SLC17A5: variants seen among roughly 807,000 people sequenced by gnomAD.
SLC17A5 encodes sialin.
In SLC17A5, 47 loss-of-function variants were observed where a neutral mutation model predicts 59.4. That is an observed-to-expected ratio of 0.79 (90% CI 0.63 to 1.01). SLC17A5 has a LOEUF of 1.01. Among genes scored for constraint, SLC17A5 ranks in the 50% least tolerant of loss-of-function variants. The pLI, the probability that SLC17A5 is intolerant of heterozygous loss-of-function variation, is 0.00. For missense variants in SLC17A5, 522 were observed against 595.5 expected, an observed-to-expected ratio of 0.88 and a Z score of 1.28; for synonymous variants, 202 against 210.7, an observed-to-expected ratio of 0.96 and a Z score of 0.36.
intron 9 of SLC17A5, among the ~76,000 whole-genome samples, chr6:73,600,912 G>A (rs1005592467): frequency 6.6e-6 from 1 of 152,174 alleles, no homozygotes; most frequent in Non-Finnish European, 1.5e-5. Flanking sequence ...TGAAAAACTT[G>A]CATTTCAATA....
In SLC17A5 at chr6:73,635,389, CT is replaced by C. The variant is rs1229686164; in HGVS notation, c.811del (p.Arg271GlufsTer16). On this transcript the variant is annotated frameshift_variant, in exon 6 of 11. Coordinates refer to ENST00000355773, the MANE Select transcript of SLC17A5 (RefSeq NM_012434.5). LOFTEE classifies it high-confidence loss of function. The stretch of plus-strand genomic sequence containing the variant: ...ATGTGTCAAAGTCCATACCTGATTT[CT>C]TAATGATGAAAGAATGTATTCCTTT... ...YEKEYILSSL[R>X]NQLSSQKSVP... is the part of the protein sequence containing the mutation. 6.5e-7 allele frequency: 1 copy of C among 1,543,866 alleles called. No homozygotes were observed.
chr6:73,618,478 G>T, intron 7 of SLC17A5: 1 of 477,278 alleles, frequency 2.1e-6, no homozygotes, highest in Admixed American at 2.6e-5. Context: ...AATCATCACG[G>T]TCTTTACTCA....
intron 6 of SLC17A5, among the ~76,000 whole-genome samples, chr6:73,629,051 CT>C (rs1241462269): frequency 6.6e-6 from 1 of 152,186 alleles, no homozygotes; most frequent in Non-Finnish European, 1.5e-5. Context: ...AAATTGTATA[CT>C]CTTCCTAAAA....
chr6:73,601,626 G>A (rs1486925320), intron 9 of SLC17A5, among the ~76,000 whole-genome samples: 9 of 91,706 alleles, frequency 9.8e-5, no homozygotes, highest in East Asian at 8.4e-4. Flanking sequence ...CGCCCCGTCC[G>A]GGAGGGAGGT....
At chr6:73,623,523 G>A (rs540925415) in intron 6 of SLC17A5, among the ~76,000 whole-genome samples, 12 of 150,282 alleles carry the variant, frequency 8.0e-5, no homozygotes, top group Non-Finnish European at 1.8e-4. Context: ...TAGTAAAGGC[G>A]GGGTTTCATC....
chr6:73,610,838 T>TAA (rs561058449), intron 8 of SLC17A5, among the ~76,000 whole-genome samples: 210 of 152,314 alleles, frequency 1.4e-3, no homozygotes, highest in African/African-American at 4.8e-3. Context: ...AAGAACAACT[T>TAA]AAAAATATGT....
At chr6:73,601,065 T>G (rs1767046463) in intron 9 of SLC17A5, among the ~76,000 whole-genome samples, 1 of 147,262 alleles carries the variant, frequency 6.8e-6, no homozygotes, top group African/African-American at 2.6e-5. Flanking sequence ...GAGGAGCGTC[T>G]CTGCCCGGCC....
chr6:73,631,114 A>G (rs936141257), intron 6 of SLC17A5, among the ~76,000 whole-genome samples: 4 of 151,500 alleles, frequency 2.6e-5, no homozygotes, highest in African/African-American at 9.8e-5. Flanking sequence ...TCCTGGTTCT[A>G]ACATCTAGGC....
In SLC17A5 at chr6:73,653,851, A is replaced by G. The variant is rs776780567; in HGVS notation, c.36T>C (p.Asp12=). 8 of 1,606,910 alleles carry G rather than the reference A, an allele frequency of 5.0e-6. No individual in the cohort carries two copies. The Admixed American group carries it at 1.2e-4, about 24-fold the overall frequency. ...GCGTGCGGTCCGTGCTCTCCTCGCC[A>G]TCGTTCCGGGCCAGGTCTCGAACCG... ...RSPVRDLARN[D]GEESTDRTPL... is the part of the protein sequence containing the mutation. The change falls in exon 1 of 11, where the codon GAT becomes GAC. Residue 12 remains aspartate (D), a synonymous_variant. Coordinates refer to ENST00000355773, the MANE Select transcript of SLC17A5 (RefSeq NM_012434.5).
chr6:73,640,867 C>A (rs1184132545), intron 3 of SLC17A5, among the ~76,000 whole-genome samples: 1 of 151,806 alleles, frequency 6.6e-6, no homozygotes, highest in African/African-American at 2.4e-5. Flanking sequence ...CTAAAAAGAG[C>A]AGAATCATAG....
chr6:73,652,619 T>C (rs1188485338), intron 1 of SLC17A5, among the ~76,000 whole-genome samples: 1 of 152,228 alleles, frequency 6.6e-6, no homozygotes, highest in Non-Finnish European at 1.5e-5. Context: ...ATGAGGAATA[T>C]TATACAATTT....
At chr6:73,646,401 T>C (rs9360693) in intron 1 of SLC17A5, among the ~76,000 whole-genome samples, 1 of 152,230 alleles carries the variant, frequency 6.6e-6, no homozygotes, top group Non-Finnish European at 1.5e-5. Context: ...TATTTTTTTT[T>C]CCCTGTGTAA....
chr6:73,621,829 T>C lies in SLC17A5; in HGVS notation c.953A>G (p.Glu318Gly). The change falls in exon 7 of 11, where the codon GAG becomes GGG. Residue 318 changes from glutamate (E) to glycine (G), a missense_variant. Glu to Gly is a moderately conservative substitution (Grantham distance 98). This residue lies in a region of SLC17A5 where 31 missense variants were observed against 63.2 expected (regional missense o/e 0.49). Transcript: ENST00000355773. ...LLTLLPTYMKEILRFNVQENG... is the reference protein window; with the variant it reads ...LLTLLPTYMKGILRFNVQENG... ...CTCTTGAACATTGAACCTTAGGATC[T>C]CCTTCATATAAGTAGGCAATAATGT... The C allele has an allele frequency of 6.2e-7, 1 of 1,611,800 alleles. No individual in the cohort carries two copies. Among genetic ancestry groups the C allele is most frequent in the Non-Finnish European group, 8.5e-7 (1 of 1,177,906 alleles).
chr6:73,623,164 G>A (rs940526698), intron 6 of SLC17A5, among the ~76,000 whole-genome samples: 4 of 150,354 alleles, frequency 2.7e-5, no homozygotes, highest in Admixed American at 1.3e-4. Context: ...TCAGCCTCAC[G>A]AGTAGCTGGG....
intron 2 of SLC17A5, among the ~76,000 whole-genome samples, chr6:73,643,474 TTTTA>T (rs1769385111): frequency 7.0e-6 from 1 of 142,050 alleles, no homozygotes; most frequent in African/African-American, 2.6e-5. Context: ...ATTTATTATT[TTTTA>T]TTTATTTATT....
intron 6 of SLC17A5, 101 bp downstream of exon 6, chr6:73,635,281 A>C: frequency 2.8e-6 from 2 of 711,524 alleles, no homozygotes; most frequent in East Asian, 5.2e-5. Flanking sequence ...TACTTTGTCT[A>C]GAGCATGCAC....
chr6:73,635,568 A>G, intron 5 of SLC17A5, 68 bp from the exon 6 acceptor site: 2 of 794,646 alleles, frequency 2.5e-6, no homozygotes, highest in Non-Finnish European at 4.0e-6. Context: ...ACAAAACAAA[A>G]ACACAAAATT....
intron 1 of SLC17A5, among the ~76,000 whole-genome samples, chr6:73,651,486 C>CAAAAAAAAAA (rs1769867353): frequency 2.3e-5 from 3 of 130,538 alleles, no homozygotes; most frequent in Admixed American, 8.4e-5. Flanking sequence ...AAAAAAAAAT[C>CAAAAAAAAAA]AGGACATAAT....
At chr6:73,647,014 A>G (rs1769610183) in intron 1 of SLC17A5, among the ~76,000 whole-genome samples, 3 of 152,062 alleles carry the variant, frequency 2.0e-5, no homozygotes, top group Admixed American at 2.0e-4. Flanking sequence ...GTCAGGTGAT[A>G]TTACCTAGAA....
Sources: gnomAD v4.1 joint callset for allele counts (sites outside exome capture counted in the v4.1 genomes callset) on GRCh38, gnomAD v4.1.1 for gene constraint, gnomAD v4.1.1 regional missense constraint, MANE v1.5 for transcripts, NCBI Gene and HGNC (gene_info 2026-07-23, HGNC 2026-07-21) for gene names.